The following UNKL variants were observed in gnomAD, a reference collection of about 807,000 sequenced individuals.
UNKL encodes putative E3 ubiquitin-protein ligase UNKL.
In UNKL, 60 loss-of-function variants were observed where a neutral mutation model predicts 78.0. The observed-to-expected ratio is 0.77, with a 90% CI of 0.63 to 0.95. The LOEUF (loss-of-function observed/expected upper bound fraction) is 0.95. UNKL is among the 40% of genes least tolerant of loss of function. The probability of loss-of-function intolerance (pLI) is 0.00; values close to 1 mark genes in which losing one functional copy is unlikely to be tolerated. For missense variants in UNKL, 1,159 were observed against 1,045.7 expected (o/e 1.11, Z -1.49); for synonymous variants, 608 against 474.8 (o/e 1.28, Z -3.65).
chr16:1,398,050 G>A (rs1423671907), intron 5 of UNKL, among the ~76,000 whole-genome samples: 1 of 152,254 alleles, frequency 6.6e-6, no homozygotes, highest in Non-Finnish European at 1.5e-5. Flanking sequence ...CCTCACGGAC[G>A]TGGAGAACGC....
At chr16:1,393,030 C>G (rs571951666) in intron 7 of UNKL, 54 bp from the exon 8 acceptor site, 1 of 1,522,290 alleles carries the variant, frequency 6.6e-7, no homozygotes, top group East Asian at 2.5e-5. Flanking sequence ...GCGACAGTGA[C>G]ACGCAGAAGT....
intron 10 of UNKL, among the ~76,000 whole-genome samples, chr16:1,384,256 T>C (rs1210159047): frequency 3.0e-5 from 4 of 131,728 alleles, no homozygotes; most frequent in Middle Eastern, 3.8e-3. Flanking sequence ...ACACGGCAGG[T>C]GTCCCCACCA....
chr16:1,394,112 C>T lies in UNKL; in HGVS notation c.937+19G>A, dbSNP rs914767993. On this transcript the variant is annotated intron_variant, in intron 7 of 14. Coordinates refer to ENST00000389221, the MANE Select transcript of UNKL (RefSeq NM_001372107.1). ...GCGGAACCTGCTAAGGTGAACCTGC[C>T]ACAGGGACGGTTACTCACTCTCAAC... 4.5e-6 allele frequency: 7 copies of T among 1,548,244 alleles called. No homozygotes were observed. Among genetic ancestry groups the T allele is most frequent in the African/African-American group, 1.4e-5 (1 of 73,016 alleles).
chr16:1,411,597 C>A (rs907568011), intron 2 of UNKL, among the ~76,000 whole-genome samples: 2 of 151,926 alleles, frequency 1.3e-5, no homozygotes, highest in Non-Finnish European at 2.9e-5. Flanking sequence ...GACGCCGAGG[C>A]GGGCAGATCA....
chr16:1,396,335 A>G (rs1416182179), intron 6 of UNKL, among the ~76,000 whole-genome samples: 1 of 149,558 alleles, frequency 6.7e-6, no homozygotes, highest in East Asian at 2.0e-4. Flanking sequence ...GCTCACTCTA[A>G]GCTCTGCCTC....
chr16:1,390,945 G>A (rs1445945056), intron 8 of UNKL, among the ~76,000 whole-genome samples: 6 of 152,108 alleles, frequency 3.9e-5, no homozygotes, highest in African/African-American at 4.8e-5. Flanking sequence ...CAAGAAAATC[G>A]CTTGAACCCA....
At position 1,363,392 on chromosome 16, in the gene UNKL, T is replaced by C. The variant is rs889675750; in HGVS notation, c.*2848A>G. ...AAATTCCATTCAAATAACATTCTCA[T>C]GTAAATACTCAAACATACAGATTGA... On this transcript the variant is annotated 3_prime_UTR_variant, in exon 15 of 15. Coordinates refer to ENST00000389221, the MANE Select transcript of UNKL (RefSeq NM_001372107.1). 7.5e-6 allele frequency: 3 copies of C among 402,452 alleles called. No individual in the cohort carries two copies. The highest frequency in any genetic ancestry group is 6.2e-5 in the African/African-American group (3 of 48,678). 24.9% of individuals were successfully genotyped at this position (402,452 alleles called of 1,614,324 possible).
intron 6 of UNKL, 137 bp from the exon 7 acceptor site, chr16:1,394,352 T>C: frequency 1.0e-6 from 1 of 986,954 alleles, no homozygotes. Flanking sequence ...GCGTGGGCCC[T>C]GCCCTCCTCC....
At chr16:1,388,740 G>A (rs1449905774) in intron 9 of UNKL, among the ~76,000 whole-genome samples, 2 of 152,026 alleles carry the variant, frequency 1.3e-5, no homozygotes, top group East Asian at 1.9e-4. Flanking sequence ...CACCGGCACC[G>A]TTCTCCCCGT....
intron 11 of UNKL, among the ~76,000 whole-genome samples, 162 bp downstream of exon 11, chr16:1,371,357 A>C (rs2035822627): frequency 6.6e-6 from 1 of 152,186 alleles, no homozygotes; most frequent in South Asian, 2.1e-4. Flanking sequence ...CCGCTCCGAA[A>C]ACCAGACACC....
chr16:1,377,035 C>G (rs1002705445), intron 10 of UNKL, among the ~76,000 whole-genome samples: 3 of 151,992 alleles, frequency 2.0e-5, no homozygotes, highest in African/African-American at 4.8e-5. Context: ...CCCAGCCCCC[C>G]CAACCGAGAT....
At chr16:1,404,861 A>G (rs1173078753) in intron 2 of UNKL, among the ~76,000 whole-genome samples, 1 of 152,088 alleles carries the variant, frequency 6.6e-6, no homozygotes, top group African/African-American at 2.4e-5. Flanking sequence ...ACAATGGGGT[A>G]AACGCGGGCT....
chr16:1,410,046 T>C (rs2037966461), intron 2 of UNKL, among the ~76,000 whole-genome samples: 1 of 151,842 alleles, frequency 6.6e-6, no homozygotes, highest in South Asian at 2.1e-4. Flanking sequence ...ACCACTTCAC[T>C]CCAGTCTGGT....
In UNKL at chr16:1,371,995, A is replaced by G. The variant is rs139517578; in HGVS notation, c.1265-384T>C. Among the ~76,000 whole-genome samples the G allele has an allele frequency of 1.1e-3, 174 of 152,016 alleles. 1 individual carries two copies. The highest frequency in any genetic ancestry group is 1.0e-3 in the Non-Finnish European group (71 of 67,964). ...TCCAGGGCCGGGTGCGGTGGCTCACACCTGTAATCCCAGCACTTTGGGAGG... is the reference window on the plus strand; with the variant it reads ...TCCAGGGCCGGGTGCGGTGGCTCACGCCTGTAATCCCAGCACTTTGGGAGG... On this transcript the variant is annotated intron_variant, in intron 10 of 14. Transcript: ENST00000389221.
chr16:1,407,240 A>G (rs1175846703), intron 2 of UNKL: 2 of 152,182 alleles, frequency 1.3e-5, no homozygotes, highest in Non-Finnish European at 2.9e-5. Context: ...ATACTTGGAA[A>G]AGTTTCTCCT....
chr16:1,414,114 C>T, intron 1 of UNKL, 59 bp from the exon 2 acceptor site: 1 of 1,477,402 alleles, frequency 6.8e-7, no homozygotes, highest in Non-Finnish European at 9.1e-7. Flanking sequence ...GACTCGGACT[C>T]GTGGGCGGCG....
intron 9 of UNKL, 36 bp from the exon 10 acceptor site, chr16:1,385,421 C>G (rs1031944880): frequency 5.4e-6 from 7 of 1,296,848 alleles, no homozygotes; most frequent in Admixed American, 4.1e-5. Flanking sequence ...GCGCGCACCC[C>G]CTGCGTGGAG....
intron 10 of UNKL, among the ~76,000 whole-genome samples, chr16:1,375,242 C>A (rs1043608091): frequency 2.6e-5 from 4 of 152,258 alleles, no homozygotes; most frequent in African/African-American, 4.8e-5. Flanking sequence ...CTGAACTTCA[C>A]CCCGAATCTG....
In UNKL at chr16:1,372,388, G is replaced by A. The variant is rs2035929745; in HGVS notation, c.1265-777C>T. On this transcript the variant is annotated intron_variant, in intron 10 of 14. Transcript: ENST00000389221. ...ATTCCCAAGGCTCAAGACTGAGTGG[G>A]AAGGACCCGCCTCAGAGTGGCCTCA... is the stretch of plus-strand genomic sequence containing the variant. Among the ~76,000 whole-genome samples the A allele has an allele frequency of 2.0e-5, 3 of 152,282 alleles. No homozygotes were observed. The South Asian group carries it at 6.2e-4, about 32-fold the overall frequency.
Sources: gnomAD v4.1 joint callset for allele counts (sites outside exome capture counted in the v4.1 genomes callset) on GRCh38, gnomAD v4.1.1 for gene constraint, MANE v1.5 for transcripts, NCBI Gene and HGNC (gene_info 2026-07-23, HGNC 2026-07-21) for gene names.